The following CCDC38 variants were observed in gnomAD, a reference collection of about 807,000 sequenced individuals.
The protein encoded by CCDC38 is coiled-coil domain-containing protein 38.
CCDC38 carries 69 observed loss-of-function variants against 72.8 expected under a neutral mutation model. That is an observed-to-expected ratio of 0.95 (90% CI 0.78 to 1.16). The LOEUF is 1.16. Among genes scored for constraint, CCDC38 ranks in the 50% most tolerant of loss-of-function variants. The pLI, the probability that CCDC38 is intolerant of heterozygous loss-of-function variation, is 0.00. For missense variants in CCDC38, 626 were observed against 638.9 expected (o/e 0.98, Z 0.22); for synonymous variants, 201 against 213.2 (o/e 0.94, Z 0.50).
chr12:95,903,300 G>A (rs2079968606), intron 5 of CCDC38: 2 of 559,722 alleles, frequency 3.6e-6, no homozygotes, highest in East Asian at 2.9e-5. Flanking sequence ...GATTTCTTCA[G>A]ATTTTCTGCA....
intron 13 of CCDC38, among the ~76,000 whole-genome samples, chr12:95,873,662 A>G (rs1189029317): frequency 3.3e-5 from 5 of 152,220 alleles, no homozygotes; most frequent in Non-Finnish European, 5.9e-5. Flanking sequence ...TTCAGGTAGC[A>G]TTCTGCCCCA....
At chr12:95,893,702 A>G (rs2079855913) in intron 8 of CCDC38, among the ~76,000 whole-genome samples, 1 of 151,742 alleles carries the variant, frequency 6.6e-6, no homozygotes, top group East Asian at 1.9e-4. Flanking sequence ...GCTGGTCCCA[A>G]ACTCCTGGGC....
Position 95,936,416 on chromosome 12 carries a change from T to G in CCDC38, c.37+57A>C, listed in dbSNP as rs915649362. 4 of 1,515,408 alleles carry G rather than the reference T, an allele frequency of 2.6e-6. No individual in the cohort carries two copies. The African/African-American group carries it at 4.1e-5, about 16-fold the overall frequency. 93.9% of individuals were successfully genotyped at this position (1,515,408 alleles called of 1,614,324 possible). ...TCCTTTTCTTATGCTCACAATCTGT[T>G]ATGGAGCCTAACACTGCCAGGCCCA... On this transcript the variant is annotated intron_variant, in intron 2 of 15. Coordinates refer to ENST00000344280, the MANE Select transcript of CCDC38 (RefSeq NM_182496.3).
chr12:95,895,034 C>G lies in CCDC38; in HGVS notation c.727G>C (p.Ala243Pro), dbSNP rs201941109. 6 of 1,611,624 alleles carry G rather than the reference C, an allele frequency of 3.7e-6. No individual in the cohort carries two copies. The highest frequency in any genetic ancestry group is 1.3e-5 in the African/African-American group (1 of 74,948). The change falls in exon 8 of 16, where the codon GCA becomes CCA. Residue 243 changes from alanine (A) to proline (P), a missense_variant. Ala to Pro is a conservative substitution (Grantham distance 27). Transcript: ENST00000344280. Reference sequence around the variant, plus strand: ...ATGATATTTGCTTTACTTTTTGATGCCTGTGCTCTTTTTAGTGCTTGCTGG... The same window carrying G: ...ATGATATTTGCTTTACTTTTTGATGGCTGTGCTCTTTTTAGTGCTTGCTGG... The part of the protein sequence containing the change: ...QIQQALKRAQ[A>P]SKSKANIILP...
chr12:95,918,892 A>G lies in CCDC38; in HGVS notation c.122T>C (p.Met41Thr). ...RDLFLVKENEMAAKETEKFMN... is the reference protein window; with the variant it reads ...RDLFLVKENETAAKETEKFMN... ...AAACTTTACCGTTTCCTTTGCTGCC[A>G]TTTCATTTTCTTTGACAAGAAAGAG... The change falls in exon 3 of 16, where the codon ATG (methionine) becomes ACG (threonine). Residue 41 changes from methionine (M) to threonine (T), a missense_variant. Transcript: ENST00000344280. 1.9e-6 allele frequency: 3 copies of G among 1,605,768 alleles called. No homozygotes were observed. The highest frequency in any genetic ancestry group is 2.6e-6 in the Non-Finnish European group (3 of 1,172,482).
chr12:95,906,640 T>C, intron 4 of CCDC38, among the ~76,000 whole-genome samples, 189 bp from the exon 5 acceptor site: 1 of 152,164 alleles, frequency 6.6e-6, no homozygotes, highest in East Asian at 1.9e-4. Context: ...TTATTTTATG[T>C]CTATCATATT....
chr12:95,888,437 T>C, intron 10 of CCDC38, 21 bp downstream of exon 10: 1 of 1,608,790 alleles, frequency 6.2e-7, no homozygotes, highest in African/African-American at 1.3e-5. Context: ...TCCAAGGGAG[T>C]TAGTCAAGTA....
At chr12:95,887,245 G>A (rs984186112) in intron 10 of CCDC38, among the ~76,000 whole-genome samples, 1 of 151,796 alleles carries the variant, frequency 6.6e-6, no homozygotes, top group Admixed American at 6.6e-5. Context: ...CATCCAATCA[G>A]GCATTACATT....
At chr12:95,935,512 T>C in intron 2 of CCDC38, 1 of 322,512 alleles carries the variant, frequency 3.1e-6, no homozygotes, top group Non-Finnish European at 6.4e-6. Flanking sequence ...ATGGAATGCT[T>C]GTATCCAGAC....
intron 4 of CCDC38, among the ~76,000 whole-genome samples, chr12:95,909,926 C>G (rs949759508): frequency 6.6e-6 from 1 of 152,148 alleles, no homozygotes; most frequent in African/African-American, 2.4e-5. Flanking sequence ...CCATCTATGA[C>G]AAACTCACAG....
At chr12:95,873,600 G>A (rs2079604923) in intron 13 of CCDC38, among the ~76,000 whole-genome samples, 1 of 152,152 alleles carries the variant, frequency 6.6e-6, no homozygotes, top group Admixed American at 6.5e-5. Flanking sequence ...TGTGAACCCG[G>A]TGTTTGCAAT....
At chr12:95,881,871 A>G (rs1330434757) in intron 10 of CCDC38, among the ~76,000 whole-genome samples, 1 of 152,248 alleles carries the variant, frequency 6.6e-6, no homozygotes, top group African/African-American at 2.4e-5. Context: ...GAAACACATG[A>G]CAGCCTATGT....
At chr12:95,929,967 C>G (rs1035767689) in intron 2 of CCDC38, among the ~76,000 whole-genome samples, 2 of 152,096 alleles carry the variant, frequency 1.3e-5, no homozygotes, top group Non-Finnish European at 2.9e-5. Context: ...TGGCCTTCTC[C>G]TTTTCTTTCT....
chr12:95,916,379 G>GCCTTCCTTCCTTCCTTCCTTCCTT (rs63210665), intron 4 of CCDC38, among the ~76,000 whole-genome samples: 139 of 147,456 alleles, frequency 9.4e-4, no homozygotes, highest in Middle Eastern at 3.5e-3. Context: ...TTGCCTGCCT[G>GCCTTCCTTCCTTCCTTCCTTCCTT]CCTTCCTTCC....
chr12:95,916,616 G>A (rs1487043622), intron 4 of CCDC38, among the ~76,000 whole-genome samples: 1 of 151,824 alleles, frequency 6.6e-6, no homozygotes, highest in Non-Finnish European at 1.5e-5. Flanking sequence ...TAATCAGATT[G>A]CCTTCTTTTG....
At chr12:95,888,542 T>C (rs1174945226) in intron 9 of CCDC38, 36 bp from the exon 10 acceptor site, 1 of 1,606,040 alleles carries the variant, frequency 6.2e-7, no homozygotes, top group Non-Finnish European at 8.5e-7. Flanking sequence ...ATGCCGTTGG[T>C]GATGGTGGAG....
intron 8 of CCDC38, 34 bp from the exon 9 acceptor site, chr12:95,890,964 GA>G: frequency 8.3e-7 from 1 of 1,206,388 alleles, no homozygotes; most frequent in Non-Finnish European, 1.2e-6. Flanking sequence ...GAGAGACAGA[GA>G]AAGATGGGGG....
At chr12:95,907,845 T>C (rs1368379844) in intron 4 of CCDC38, among the ~76,000 whole-genome samples, 3 of 145,978 alleles carry the variant, frequency 2.1e-5, no homozygotes, top group East Asian at 2.0e-4. Flanking sequence ...AGACGATGGG[T>C]GGCCGGGCAG....
rs766059712 is a variant in CCDC38 at position 95,898,367 on chromosome 12, G to T, written c.614+18C>A. Reference sequence around the variant, plus strand: ...GGTCGTGGAAATTTGGCCACGAGAAGATTGTGCCCACCCTCACCTTTTCAC... The same window carrying T: ...GGTCGTGGAAATTTGGCCACGAGAATATTGTGCCCACCCTCACCTTTTCAC... On this transcript the variant is annotated intron_variant, in intron 7 of 15. Transcript: ENST00000344280. The T allele has an allele frequency of 3.1e-6, 5 of 1,613,230 alleles. No homozygotes were observed. In the East Asian group the frequency reaches 8.9e-5, roughly 29 times the overall value.
Sources: allele counts gnomAD v4.1 joint callset (sites outside exome capture counted in the v4.1 genomes callset), GRCh38; gene constraint gnomAD v4.1.1; transcripts MANE v1.5; gene names NCBI Gene and HGNC (gene_info 2026-07-23, HGNC 2026-07-21).